NRG3: variants seen among roughly 807,000 people sequenced by gnomAD.
The protein encoded by NRG3 is neuregulin 3.
NRG3 carries 31 observed loss-of-function variants against 66.9 expected under a neutral mutation model. That is an observed-to-expected ratio of 0.46 (90% CI 0.35 to 0.63). NRG3 has a LOEUF of 0.63. Among genes scored for constraint, NRG3 ranks in the 20% least tolerant of loss-of-function variants. The pLI is 0.00. For missense variants in NRG3, 910 were observed against 878.9 expected (o/e 1.04, Z -0.45); for synonymous variants, 393 against 359.4 (o/e 1.09, Z -1.06).
At chr10:82,043,721 T>C (rs1284032761) in intron 1 of NRG3, among the ~76,000 whole-genome samples, 1 of 152,058 alleles carries the variant, frequency 6.6e-6, no homozygotes, top group Non-Finnish European at 1.5e-5. Context: ...ATGCTTGTAA[T>C]ACAGTAAGTC....
In NRG3 at chr10:82,454,023, G is replaced by T. The variant is rs540161351; in HGVS notation, c.953+95155G>T. ...AAGCTCTCTTTCATAATCATATTTT[G>T]TTCCCTTTCTGGGCATGGCATTGTG... On this transcript the variant is annotated intron_variant, in intron 2 of 8. Transcript: ENST00000372141. Among the ~76,000 whole-genome samples the T allele has an allele frequency of 9.2e-5, 14 of 152,304 alleles. No individual in the cohort carries two copies. In the South Asian group the frequency reaches 2.3e-3, roughly 25 times the overall value.
intron 2 of NRG3, among the ~76,000 whole-genome samples, chr10:82,675,518 G>A (rs1197996135): frequency 2.6e-5 from 4 of 152,112 alleles, no homozygotes; most frequent in African/African-American, 7.2e-5. Context: ...GGTAATCGGG[G>A]AAGTTAGCAT....
chr10:82,284,091 C>T (rs968380088), intron 1 of NRG3, among the ~76,000 whole-genome samples: 11 of 152,160 alleles, frequency 7.2e-5, no homozygotes, highest in Admixed American at 2.0e-4. Context: ...TTAACTGGCA[C>T]CCATTGTATG....
intron 2 of NRG3, among the ~76,000 whole-genome samples, chr10:82,566,371 C>T (rs756484353): frequency 6.6e-6 from 1 of 151,632 alleles, no homozygotes; most frequent in Non-Finnish European, 1.5e-5. Flanking sequence ...AAAAATGCTT[C>T]GTTATAATAC....
At chr10:82,521,745 T>C (rs1166886548) in intron 2 of NRG3, among the ~76,000 whole-genome samples, 1 of 152,214 alleles carries the variant, frequency 6.6e-6, no homozygotes. Context: ...GTACCATTTT[T>C]ACCCACAATA....
intron 4 of NRG3, among the ~76,000 whole-genome samples, chr10:82,895,748 C>A (rs1315486545): frequency 6.6e-6 from 1 of 152,118 alleles, no homozygotes; most frequent in Admixed American, 6.5e-5. Flanking sequence ...CCTTGGCCTC[C>A]CAAAAGTGCT....
chr10:82,362,101 A>G (rs2084181983), intron 2 of NRG3, among the ~76,000 whole-genome samples: 1 of 146,926 alleles, frequency 6.8e-6, no homozygotes, highest in Non-Finnish European at 1.5e-5. Flanking sequence ...AAAAAAAAAA[A>G]AAAAAAAAGG....
chr10:82,410,440 T>G (rs1253922610), intron 2 of NRG3, among the ~76,000 whole-genome samples: 1 of 132,106 alleles, frequency 7.6e-6, no homozygotes, highest in Admixed American at 7.5e-5. Context: ...ACTGTATGAG[T>G]CCATATATAC....
At chr10:82,439,006 C>T (rs1002110675) in intron 2 of NRG3, among the ~76,000 whole-genome samples, 1 of 151,774 alleles carries the variant, frequency 6.6e-6, no homozygotes, top group African/African-American at 2.4e-5. Context: ...TAAATTATTA[C>T]TTTCTGTACA....
At chr10:82,565,327 A>G (rs919689694) in intron 2 of NRG3, among the ~76,000 whole-genome samples, 1 of 152,106 alleles carries the variant, frequency 6.6e-6, no homozygotes, top group African/African-American at 2.4e-5. Context: ...TTGGCCTTGT[A>G]CAGCCAGTTA....
At chr10:82,494,613 A>G (rs1843448662) in intron 2 of NRG3, among the ~76,000 whole-genome samples, 1 of 152,198 alleles carries the variant, frequency 6.6e-6, no homozygotes, top group East Asian at 1.9e-4. Context: ...ATGTATTACA[A>G]GAAAAAAATT....
At chr10:82,930,285 A>G (rs1018571130) in intron 4 of NRG3, among the ~76,000 whole-genome samples, 1 of 152,226 alleles carries the variant, frequency 6.6e-6, no homozygotes, top group Non-Finnish European at 1.5e-5. Flanking sequence ...TATTTGTGAC[A>G]TAGAATATGT....
At chr10:82,827,776 C>T (rs1310815156) in intron 3 of NRG3, among the ~76,000 whole-genome samples, 3 of 152,060 alleles carry the variant, frequency 2.0e-5, no homozygotes, top group Non-Finnish European at 4.4e-5. Flanking sequence ...TTCAACAAGA[C>T]AAAAACAGAA....
At chr10:82,611,353 G>T (rs912158392) in intron 2 of NRG3, among the ~76,000 whole-genome samples, 4 of 151,868 alleles carry the variant, frequency 2.6e-5, no homozygotes, top group Non-Finnish European at 5.9e-5. Flanking sequence ...GTGCCCTGTT[G>T]GTTTGCTGCA....
At chr10:82,056,417 T>G (rs2063849975) in intron 1 of NRG3, among the ~76,000 whole-genome samples, 1 of 151,326 alleles carries the variant, frequency 6.6e-6, no homozygotes, top group African/African-American at 2.4e-5. Context: ...AAGGATGGAG[T>G]GGTTAGTTGT....
chr10:82,092,334 G>A (rs1016975340), intron 1 of NRG3, among the ~76,000 whole-genome samples: 21 of 151,998 alleles, frequency 1.4e-4, no homozygotes, highest in African/African-American at 4.8e-4. Flanking sequence ...TTGCCTAATA[G>A]CCTGTCAATA....
chr10:82,985,471 G>A lies in NRG3; in HGVS notation c.1957G>A (p.Ala653Thr), dbSNP rs1009259285. Reference sequence around the variant, plus strand: ...CAGACGGTCAGAAGACTACGAACTGGCCAGCGTAGAAACCGAGGACAGTGC... The same window carrying A: ...CAGACGGTCAGAAGACTACGAACTGACCAGCGTAGAAACCGAGGACAGTGC... ...DARRSEDYEL[A>T]SVETEDSASE... is the part of the protein sequence containing the mutation. Residue 653 changes from alanine to threonine, a missense_variant, in exon 9 of 9, where the codon GCC becomes ACC. Transcript: ENST00000372141. The A allele has an allele frequency of 8.1e-6, 13 of 1,614,054 alleles. No individual in the cohort carries two copies. Among genetic ancestry groups the A allele is most frequent in the Non-Finnish European group, 1.1e-5 (13 of 1,179,992 alleles).
chr10:82,607,164 A>G (rs1008414825), intron 2 of NRG3, among the ~76,000 whole-genome samples: 2 of 152,184 alleles, frequency 1.3e-5, no homozygotes, highest in African/African-American at 4.8e-5. Context: ...CATATCTATC[A>G]ATAACTGTTA....
chr10:82,763,424 C>G (rs1200664674), intron 3 of NRG3, among the ~76,000 whole-genome samples: 1 of 151,920 alleles, frequency 6.6e-6, no homozygotes, highest in East Asian at 1.9e-4. Flanking sequence ...AATAAATTGA[C>G]AAATATCAAA....
Sources: gnomAD v4.1 joint callset for allele counts (sites outside exome capture counted in the v4.1 genomes callset) on GRCh38, gnomAD v4.1.1 for gene constraint, MANE v1.5 for transcripts, NCBI Gene and HGNC (gene_info 2026-07-23, HGNC 2026-07-21) for gene names.